AHNAK: variants seen among roughly 807,000 people sequenced by gnomAD.
AHNAK encodes AHNAK nucleoprotein, also known as neuroblast differentiation-associated protein AHNAK.
AHNAK carries 23 observed loss-of-function variants against 37.8 expected under a neutral mutation model. The observed-to-expected ratio is 0.61, with a 90% confidence interval of 0.44 to 0.86. The LOEUF is 0.86. Among genes scored for constraint, AHNAK ranks in the 40% least tolerant of loss-of-function variants. AHNAK has a pLI of 0.00. For synonymous variants in AHNAK, 2,481 were observed against 2,636.3 expected, an observed-to-expected ratio of 0.94 and a Z score of 1.80; for missense variants, 7,411 against 7,319.4, an observed-to-expected ratio of 1.01 and a Z score of -0.46.
intron 1 of AHNAK, among the ~76,000 whole-genome samples, chr11:62,541,145 A>G (rs901634993): frequency 1.3e-5 from 2 of 152,204 alleles, no homozygotes; most frequent in East Asian, 1.9e-4. Flanking sequence ...ACAGGAATTG[A>G]AACACACACT....
In AHNAK at chr11:62,523,523, C is replaced by T. The variant is rs1219882373; in HGVS notation, c.10894G>A (p.Asp3632Asn). ...VDVTLPKADI[D>N]ISGPNVDVDV... ...ACGTCTACATTGGGACCAGAAATGT[C>T]AATGTCAGCTTTAGGGAGGGTAACA... Residue 3632 changes from aspartate to asparagine, a missense_variant, in exon 5 of 5, where the codon GAC becomes AAC. By Grantham distance (23) the Asp-to-Asn change is conservative. Coordinates refer to ENST00000378024, the MANE Select transcript of AHNAK (RefSeq NM_001620.3). 6.2e-7 allele frequency: 1 copy of T among 1,613,920 alleles called. No individual in the cohort carries two copies. The highest frequency in any genetic ancestry group is 8.5e-7 in the Non-Finnish European group (1 of 1,180,020).
intron 4 of AHNAK, among the ~76,000 whole-genome samples, chr11:62,508,246 C>T (rs533890653): frequency 6.6e-6 from 1 of 152,236 alleles, no homozygotes; most frequent in South Asian, 2.1e-4. Context: ...ACGGCAGTGA[C>T]ATCACAGGGA....
intron 1 of AHNAK, chr11:62,541,946 C>T (rs1010407715): frequency 2.6e-5 from 4 of 152,238 alleles, no homozygotes; most frequent in Admixed American, 6.5e-5. Flanking sequence ...ACATTCTAAC[C>T]GGAGCAGAAG....
chr11:62,485,443 C>T (rs1281491788), intron 5 of AHNAK, among the ~76,000 whole-genome samples: 3 of 152,064 alleles, frequency 2.0e-5, no homozygotes, highest in African/African-American at 7.2e-5. Flanking sequence ...TGGCTCACAC[C>T]TATAATCCCA....
Position 62,527,433 on chromosome 11 carries a change from T to A in AHNAK, c.6984A>T (p.Gly2328=). 1 of 1,613,940 alleles carries A rather than the reference T, an allele frequency of 6.2e-7. No individual in the cohort carries two copies. The highest frequency in any genetic ancestry group is 8.5e-7 in the Non-Finnish European group (1 of 1,179,948). The change falls in exon 5 of 5, where the codon GGA becomes GGT. Residue 2328 remains glycine (G), a synonymous_variant. Transcript: ENST00000378024. ...DFNLKGPKIK[G]DVDVSAPKLE... ...GCTTTGGGGCAGAAACATCAACATCTCCTTTGATTTTGGGTCCCTTTAAAT... is the reference window on the plus strand; with the variant it reads ...GCTTTGGGGCAGAAACATCAACATCACCTTTGATTTTGGGTCCCTTTAAAT...
In AHNAK at chr11:62,530,734, T is replaced by G. The variant is rs767115793; in HGVS notation, c.3683A>C (p.Asp1228Ala). The change falls in exon 5 of 5, where the codon GAT becomes GCT. Residue 1228 changes from aspartate (D) to alanine (A), a missense_variant. Coordinates refer to ENST00000378024, the MANE Select transcript of AHNAK (RefSeq NM_001620.3). Reference protein sequence around the residue: ...PKVEGEMKVPDVEIKGPKMDI... With the variant: ...PKVEGEMKVPAVEIKGPKMDI... The stretch of plus-strand genomic sequence containing the variant: ...CATTTTGGGTCCTTTGATTTCAACA[T>G]CTGGCACTTTCATTTCACCTTCTAC... The G allele has an allele frequency of 6.2e-7, 1 of 1,613,958 alleles. No homozygotes were observed. The highest frequency in any genetic ancestry group is 8.5e-7 in the Non-Finnish European group (1 of 1,180,018).
At position 62,525,405 on chromosome 11, in the gene AHNAK, C is replaced by T; in HGVS notation, c.9012G>A (p.Val3004=). The T allele has an allele frequency of 1.2e-6, 2 of 1,613,350 alleles. No individual in the cohort carries two copies. Among genetic ancestry groups the T allele is most frequent in the Non-Finnish European group, 1.7e-6 (2 of 1,179,812 alleles). The change falls in exon 5 of 5, where the codon GTG becomes GTA. Residue 3004 remains valine, a synonymous_variant. Coordinates refer to ENST00000378024, the MANE Select transcript of AHNAK (RefSeq NM_001620.3). ...GPEVDIRGPQ[V]DIDVPDVGVQ... ...CGCCCACATCCGGGACATCAATGTC[C>T]ACTTGGGGACCCCTGATGTCAACTT...
At chr11:62,484,719 G>C (rs1232073525) in intron 5 of AHNAK, among the ~76,000 whole-genome samples, 1 of 152,158 alleles carries the variant, frequency 6.6e-6, no homozygotes, top group Non-Finnish European at 1.5e-5. Flanking sequence ...GAGTGAGATG[G>C]GGAGCCACGG....
At chr11:62,535,900 AC>A (rs749296698) in intron 3 of AHNAK, 44 bp downstream of exon 3, 16 of 1,559,404 alleles carry the variant, frequency 1.0e-5, no homozygotes, top group East Asian at 4.7e-5. Context: ...ACCCCCACCG[AC>A]CCCCCAACCA....
At chr11:62,484,508 G>C (rs745688494) in intron 5 of AHNAK, among the ~76,000 whole-genome samples, 2 of 152,224 alleles carry the variant, frequency 1.3e-5, no homozygotes, top group South Asian at 4.1e-4. Context: ...GGAAGACTTT[G>C]TCAAGGGGAA....
intron 5 of AHNAK, among the ~76,000 whole-genome samples, chr11:62,463,123 CAAAAAA>C (rs142849834): frequency 2.6e-5 from 2 of 77,862 alleles, no homozygotes; most frequent in Non-Finnish European, 2.7e-5. Flanking sequence ...GACTCAGTCT[CAAAAAA>C]AAAAAAAAAA....
Position 62,517,957 on chromosome 11 carries a change from C to A in AHNAK, c.16460G>T (p.Gly5487Val), listed in dbSNP as rs1940083842. The A allele has an allele frequency of 1.2e-6, 2 of 1,614,066 alleles. No homozygotes were observed. Among genetic ancestry groups the A allele is most frequent in the Non-Finnish European group, 1.7e-6 (2 of 1,180,048 alleles). ...AGGCATCTGGAGGTTTCCTTCTAGG[C>A]CTTGAACACCAATGCCTGGAAGACC... ...GGGLPGIGVQGLEGNLQMPGI... is the reference protein window; with the variant it reads ...GGGLPGIGVQVLEGNLQMPGI... Residue 5487 changes from glycine (G) to valine (V), a missense_variant, in exon 5 of 5, where the codon GGC becomes GTC. Gly to Val is a moderately radical substitution (Grantham distance 109, BLOSUM62 -3). Transcript: ENST00000378024.
intron 5 of AHNAK, among the ~76,000 whole-genome samples, chr11:62,470,865 T>A (rs1222708896): frequency 1.3e-5 from 2 of 151,940 alleles, no homozygotes; most frequent in African/African-American, 2.4e-5. Context: ...ATCCAGTGCT[T>A]ACCCAGCTGC....
At chr11:62,474,630 C>T (rs1017303965) in intron 5 of AHNAK, among the ~76,000 whole-genome samples, 5 of 152,182 alleles carry the variant, frequency 3.3e-5, no homozygotes, top group African/African-American at 2.4e-5. Context: ...CGAATGGACA[C>T]GAGGCCTTCC....
rs374755801 is a variant in AHNAK at position 62,452,063 on chromosome 11, C to T, written c.443-18172G>A. 2.0e-4 allele frequency among the ~76,000 whole-genome samples: 31 copies of T among 152,122 alleles called. No individual in the cohort carries two copies. In the East Asian group the frequency reaches 3.9e-3, roughly 19 times the overall value. On this transcript the variant is annotated intron_variant, in intron 5 of 5. Transcript: ENST00000257247. Reference sequence around the variant, plus strand: ...TCCTGACCTCGTGATCCACCTGCCTCGGCCTCCCAAAGTGCTGGGATTACA... The same window carrying T: ...TCCTGACCTCGTGATCCACCTGCCTTGGCCTCCCAAAGTGCTGGGATTACA...
downstream of AHNAK, among the ~76,000 whole-genome samples, chr11:62,511,468 C>T (rs1204021956): frequency 1.3e-5 from 2 of 152,078 alleles, no homozygotes; most frequent in Non-Finnish European, 2.9e-5. Flanking sequence ...GTTGGCCAGG[C>T]TGGTCTCAAA....
intron 4 of AHNAK, among the ~76,000 whole-genome samples, chr11:62,493,011 CTT>C (rs960994580): frequency 1.4e-4 from 19 of 133,288 alleles, no homozygotes; most frequent in Admixed American, 2.3e-4. Flanking sequence ...CTTTTCTTTT[CTT>C]TTTTTTTTTT....
At chr11:62,538,923 T>C (rs1380918299) in intron 1 of AHNAK, among the ~76,000 whole-genome samples, 1 of 152,158 alleles carries the variant, frequency 6.6e-6, no homozygotes, top group Admixed American at 6.5e-5. Flanking sequence ...AGTTCCTATC[T>C]CAGGCAGATC....
In AHNAK at chr11:62,527,989, T is replaced by C; in HGVS notation, c.6428A>G (p.Glu2143Gly). The C allele has an allele frequency of 2.5e-6, 4 of 1,613,610 alleles. No homozygotes were observed. Among genetic ancestry groups the C allele is most frequent in the Non-Finnish European group, 3.4e-6 (4 of 1,179,914 alleles). Residue 2143 changes from glutamate to glycine, a missense_variant, in exon 5 of 5, where the codon GAG becomes GGG. Glu to Gly is a moderately conservative substitution (Grantham distance 98). Transcript: ENST00000378024. The stretch of plus-strand genomic sequence containing the variant: ...CACACTGGGGCCTGTTAAATCTCCC[T>C]CCAATTTTGGCAAAGACACATCCAC... ...GDVDVSLPKL[E>G]GDLTGPSVDV...
Sources: allele counts gnomAD v4.1 joint callset (sites outside exome capture counted in the v4.1 genomes callset), GRCh38; gene constraint gnomAD v4.1.1; transcripts MANE v1.5; gene names NCBI Gene and HGNC (gene_info 2026-07-23, HGNC 2026-07-21).